Variants in ADGRD2 observed in about 807,000 individuals in gnomAD.
The protein encoded by ADGRD2 is G protein-coupled receptor PGR24.
A neutral mutation model predicts 44.4 loss-of-function variants in ADGRD2; 71 were observed. The ratio of observed to expected loss-of-function variants is 1.60; its 90% CI spans 1.32 to 1.95. ADGRD2 has a LOEUF of 1.95. ADGRD2 is among the 30% of genes most tolerant of loss of function. The pLI, the probability that ADGRD2 is intolerant of heterozygous loss-of-function variation, is 0.00. For missense variants in ADGRD2, 1,039 were observed against 512.4 expected (o/e 2.03, Z -9.92); for synonymous variants, 481 against 224.8 (o/e 2.14, Z -10.19).
upstream of ADGRD2, chr9:124,451,997 G>GCCA: frequency 2.8e-6 from 1 of 360,938 alleles, no homozygotes; most frequent in Non-Finnish European, 5.5e-6. Context: ...TCCACTGAAT[G>GCCA]CCCCCCTCCC....
At chr9:124,453,285 G>T (rs1046966901) in exon 3 of ADGRD2, 4 of 492,722 alleles carry the variant, frequency 8.1e-6, no homozygotes, top group Non-Finnish European at 1.4e-5. Flanking sequence ...GGCAGCACGC[G>T]CCCTTCCTCG....
At chr9:124,453,711 C>A (rs1446548825) in intron 3 of ADGRD2, 35 bp downstream of exon 6, 2 of 538,952 alleles carry the variant, frequency 3.7e-6, no homozygotes, top group South Asian at 3.4e-5. Flanking sequence ...CACCCCATGG[C>A]CCCGAATCCT....
At chr9:124,461,826 C>A (rs1191372629) in intron 10 of ADGRD2, among the ~76,000 whole-genome samples, 1 of 151,386 alleles carries the variant, frequency 6.6e-6, no homozygotes, top group Non-Finnish European at 1.5e-5. Flanking sequence ...CGGCTCACTG[C>A]AACTTCCACC....
chr9:124,459,888 A>G (rs953776646), intron 10 of ADGRD2, among the ~76,000 whole-genome samples: 8 of 152,170 alleles, frequency 5.3e-5, no homozygotes, highest in African/African-American at 1.9e-4. Context: ...CGCAGGTAAT[A>G]GGGACCAAGT....
intron 17 of ADGRD2, among the ~76,000 whole-genome samples, chr9:124,471,477 A>G (rs1223723934): frequency 6.6e-6 from 1 of 152,176 alleles, no homozygotes; most frequent in Non-Finnish European, 1.5e-5. Context: ...CAAGGTGGTA[A>G]CAGCCACTCA....
At chr9:124,473,442 G>T (rs1457496635) in intron 17 of ADGRD2, among the ~76,000 whole-genome samples, 1 of 152,222 alleles carries the variant, frequency 6.6e-6, no homozygotes, top group African/African-American at 2.4e-5. Context: ...AAGGGGATCA[G>T]ATTCCCACCC....
rs930970896 is a variant in ADGRD2, at chr9:124,460,194, G to C, written c.1870+1473G>C. Among the ~76,000 whole-genome samples the C allele has an allele frequency of 1.1e-4, 16 of 147,108 alleles. No homozygotes were observed. The East Asian group carries it at 3.2e-3, about 29-fold the overall frequency. ...GTTCATGATGTGGAAAAGCGTCCAC[G>C]CTCTGATTTTTTTTTTTTTTTTTTT... On this transcript the variant is annotated intron_variant, in intron 10 of 21. Transcript: ENST00000334810.
rs762819755 is a variant in ADGRD2 at position 124,454,959 on chromosome 9, C to T, written c.1227C>T (p.Ala409=). The T allele has an allele frequency of 8.8e-5, 63 of 718,092 alleles. No individual in the cohort carries two copies. Among genetic ancestry groups the T allele is most frequent in the South Asian group, 6.8e-4 (46 of 67,598 alleles). The allele number at this position is 718,092 out of a possible 1,614,324, so 44.5% of individuals were successfully genotyped here. The change falls in exon 6 of 22, where the codon GCC becomes GCT. Residue 409 remains alanine (A), a synonymous_variant. Transcript: ENST00000334810. This position sits in a 1 kb window ranked among gnomAD's most constrained non-coding sequence, Gnocchi z 4.5. ...TGGAGATGGCTCCCCTGGGGCCGGCCGCACTGCTGGCTGTTGTCCGCTTCC... is the reference window on the plus strand; with the variant it reads ...TGGAGATGGCTCCCCTGGGGCCGGCTGCACTGCTGGCTGTTGTCCGCTTCC...
rs564550555 is a variant in ADGRD2 at position 124,474,443 on chromosome 9, G to C, written c.2759-1003G>C. 1.2e-3 allele frequency among the ~76,000 whole-genome samples: 184 copies of C among 152,302 alleles called. 1 individual carries two copies. The highest frequency in any genetic ancestry group is 1.6e-3 in the Non-Finnish European group (110 of 68,034). ...ATGGGATGGAGAAGGCAGTGCAGAG[G>C]CTACAGAGAAAGATCAGGCTGGGCC... is the stretch of plus-strand genomic sequence containing the variant. On this transcript the variant is annotated intron_variant, in intron 17 of 21. Transcript: ENST00000334810.
At chr9:124,476,616 C>T (rs1832054448) in intron 20 of ADGRD2, 63 bp from the exon 24 acceptor site, 1 of 670,964 alleles carries the variant, frequency 1.5e-6, no homozygotes, top group Non-Finnish European at 2.7e-6. Context: ...AGCCAAGGGT[C>T]CCCAGGGCAA....
upstream of ADGRD2, chr9:124,451,000 C>A (rs570552253): frequency 4.3e-6 from 2 of 466,628 alleles, no homozygotes; most frequent in Non-Finnish European, 8.9e-6. Flanking sequence ...TTAGGGTATC[C>A]CCGCTGAGCA....
intron 10 of ADGRD2, among the ~76,000 whole-genome samples, chr9:124,459,960 G>A (rs7041730): frequency 0.67 from 102,076 of 151,862 alleles, 34,914 homozygotes; most frequent in African/African-American, 0.81. Flanking sequence ...ATAAACTGAC[G>A]TGGAAAGATC....
chr9:124,471,024 G>A (rs1831937082), intron 17 of ADGRD2, among the ~76,000 whole-genome samples: 1 of 152,246 alleles, frequency 6.6e-6, no homozygotes. Context: ...TGGGATAGCA[G>A]TTTAGAAGAG....
intron 19 of ADGRD2, among the ~76,000 whole-genome samples, chr9:124,476,019 G>A (rs1588611075): frequency 1.3e-5 from 2 of 152,208 alleles, no homozygotes; most frequent in South Asian, 2.1e-4. Context: ...CCTGGCCCAC[G>A]CATGGGGCTT....
chr9:124,474,318 G>A (rs1225849798), intron 17 of ADGRD2, among the ~76,000 whole-genome samples: 1 of 150,926 alleles, frequency 6.6e-6, no homozygotes, highest in Non-Finnish European at 1.5e-5. Flanking sequence ...TTTTGTCCCA[G>A]GGGTAGTTGG....
intron 10 of ADGRD2, 28 bp downstream of exon 13, chr9:124,458,749 C>T (rs1008710994): frequency 4.2e-6 from 3 of 715,206 alleles, no homozygotes; most frequent in African/African-American, 3.5e-5. Flanking sequence ...TGGGAAGCAG[C>T]CATCCTGGCG....
chr9:124,460,351 C>T (rs1411651639), intron 10 of ADGRD2, among the ~76,000 whole-genome samples: 5 of 149,880 alleles, frequency 3.3e-5, no homozygotes, highest in Admixed American at 2.0e-4. Flanking sequence ...TACAGGCATG[C>T]GCTACCATGT....
At position 124,460,085 on chromosome 9, in the gene ADGRD2, G is replaced by GAC. The variant is rs3983851; in HGVS notation, c.1870+1389_1870+1390dup. Among the ~76,000 whole-genome samples the GAC allele has an allele frequency of 3.6e-3, 544 of 150,120 alleles. 2 individuals are homozygous for GAC. Among genetic ancestry groups the GAC allele is most frequent in the East Asian group, 0.024 (121 of 5,128 alleles). ...TCTTTGCTCACAACCAGTAATCTTG[G>GAC]ACACACACACACACACACACACACA... On this transcript the variant is annotated intron_variant, in intron 10 of 21. Coordinates refer to ENST00000334810, the Ensembl canonical transcript of ADGRD2.
exon 3 of ADGRD2, chr9:124,453,397 G>T: frequency 1.7e-6 from 1 of 590,078 alleles, no homozygotes; most frequent in Non-Finnish European, 3.0e-6. Flanking sequence ...GCGCGCTGGG[G>T]CGCGGGGGCT....
Sources: allele counts gnomAD v4.1 joint callset (sites outside exome capture counted in the v4.1 genomes callset), GRCh38; gene constraint gnomAD v4.1.1; non-coding constraint Gnocchi (gnomAD v3.1); transcripts MANE v1.5; gene names NCBI Gene and HGNC (gene_info 2026-07-23, HGNC 2026-07-21).